Variants in C8orf34 observed in about 807,000 individuals in gnomAD.
C8orf34 encodes the protein chromosome 8 open reading frame 34, also known as uncharacterized protein C8orf34.
A neutral mutation model predicts 68.3 loss-of-function variants in C8orf34; 65 were observed. The observed-to-expected ratio is 0.95, with a 90% CI of 0.78 to 1.17. C8orf34 has a LOEUF of 1.17. Among genes scored for constraint, C8orf34 ranks in the 50% most tolerant of loss-of-function variants. The probability of loss-of-function intolerance (pLI) is 0.00; values close to 1 mark genes in which losing one functional copy is unlikely to be tolerated. For missense variants in C8orf34, 664 were observed against 655.4 expected (o/e 1.01, Z -0.14); for synonymous variants, 244 against 241.2 (o/e 1.01, Z -0.11).
At chr8:68,607,755 C>A (rs1384072155) in intron 7 of C8orf34, among the ~76,000 whole-genome samples, 1 of 152,124 alleles carries the variant, frequency 6.6e-6, no homozygotes, top group African/African-American at 2.4e-5. Context: ...CTGGAGAAAT[C>A]TGTCCTATTA....
At chr8:68,809,983 G>A (rs1349702955) in intron 12 of C8orf34, among the ~76,000 whole-genome samples, 1 of 152,224 alleles carries the variant, frequency 6.6e-6, no homozygotes, top group Non-Finnish European at 1.5e-5. Context: ...TTAATGGAGA[G>A]CTAACTGAAT....
rs186797851 is a variant in C8orf34, at chr8:68,696,610, G to A, written c.1242-12384G>A. 4.6e-5 allele frequency among the ~76,000 whole-genome samples: 7 copies of A among 151,782 alleles called. No homozygotes were observed. The East Asian group carries it at 5.9e-4, about 13-fold the overall frequency. On this transcript the variant is annotated intron_variant, in intron 8 of 13. Transcript: ENST00000518698. ...ATATCTATAGTGATAGCCAAATTAC[G>A]CTTTTAAAGTGTGGTACATATTCTC...
intron 2 of C8orf34, among the ~76,000 whole-genome samples, chr8:68,446,049 A>C (rs1199867087): frequency 2.0e-5 from 3 of 152,180 alleles, no homozygotes; most frequent in Non-Finnish European, 4.4e-5. Context: ...TGGCCTCCCA[A>C]AGTGCTGGGA....
chr8:68,349,829 ATGTT>A (rs908131095), intron 1 of C8orf34, among the ~76,000 whole-genome samples: 28 of 150,946 alleles, frequency 1.9e-4, no homozygotes, highest in African/African-American at 6.3e-4. Context: ...ATTTCTTATT[ATGTT>A]TGTTTGGATC....
chr8:68,343,302 A>G (rs910171223), intron 1 of C8orf34, among the ~76,000 whole-genome samples: 6 of 152,230 alleles, frequency 3.9e-5, no homozygotes, highest in South Asian at 4.1e-4. Flanking sequence ...AATGAAACTG[A>G]GACCACCAAA....
At chr8:68,636,411 TAAA>T (rs71253099) in intron 7 of C8orf34, among the ~76,000 whole-genome samples, 11 of 141,886 alleles carry the variant, frequency 7.8e-5, no homozygotes, top group African/African-American at 1.6e-4. Context: ...CTGCCTCTAC[TAAA>T]AAAAAAAAAA....
chr8:68,375,719 G>C (rs1807763320), intron 1 of C8orf34, among the ~76,000 whole-genome samples: 1 of 152,194 alleles, frequency 6.6e-6, no homozygotes, highest in African/African-American at 2.4e-5. Flanking sequence ...TAAAATATGT[G>C]TGTGTCTTAC....
intron 8 of C8orf34, among the ~76,000 whole-genome samples, chr8:68,695,272 C>T (rs186417565): frequency 2.1e-3 from 324 of 151,906 alleles, no homozygotes; most frequent in African/African-American, 7.4e-3. Context: ...TCAACCTACC[C>T]GAGTAGCTGG....
intron 1 of C8orf34, among the ~76,000 whole-genome samples, chr8:68,347,291 T>A (rs1806323865): frequency 6.6e-6 from 1 of 152,242 alleles, no homozygotes; most frequent in African/African-American, 2.4e-5. Context: ...AAAGACATGA[T>A]CTCATTCTTT....
intron 1 of C8orf34, among the ~76,000 whole-genome samples, chr8:68,437,695 A>T (rs1810722494): frequency 6.6e-6 from 1 of 152,132 alleles, no homozygotes; most frequent in Admixed American, 6.6e-5. Context: ...TACCTGTGAC[A>T]ACTGATTGTT....
chr8:68,466,561 T>C (rs975100913), intron 3 of C8orf34, among the ~76,000 whole-genome samples: 2 of 151,684 alleles, frequency 1.3e-5, no homozygotes, highest in East Asian at 1.9e-4. Context: ...TTTATGGTAA[T>C]ATACTTAGAT....
chr8:68,774,364 AT>A (rs1324695022), intron 10 of C8orf34, among the ~76,000 whole-genome samples: 1 of 123,052 alleles, frequency 8.1e-6, no homozygotes, highest in African/African-American at 4.1e-5. Flanking sequence ...AAACAAAAAA[AT>A]AAACAGTTTA....
At chr8:68,582,737 G>A (rs1207153347) in intron 7 of C8orf34, among the ~76,000 whole-genome samples, 1 of 151,812 alleles carries the variant, frequency 6.6e-6, no homozygotes, top group East Asian at 1.9e-4. Flanking sequence ...TCTCTGCTGG[G>A]GCCCCTGTGA....
chr8:68,786,673 TA>T (rs1019484578), intron 11 of C8orf34, among the ~76,000 whole-genome samples: 23 of 152,234 alleles, frequency 1.5e-4, no homozygotes, highest in African/African-American at 5.5e-4. Flanking sequence ...ATTGAGAGAA[TA>T]GTATGATAGA....
At chr8:68,615,415 T>C (rs4737914) in intron 7 of C8orf34, among the ~76,000 whole-genome samples, 39,995 of 150,790 alleles carry the variant, frequency 0.27, 6,111 homozygotes, top group African/African-American at 0.46. Flanking sequence ...AGTATGATAT[T>C]GGCTGTGGGT....
At chr8:68,574,839 G>C (rs984837914) in intron 7 of C8orf34, among the ~76,000 whole-genome samples, 1 of 151,868 alleles carries the variant, frequency 6.6e-6, no homozygotes, top group African/African-American at 2.4e-5. Flanking sequence ...GTCCACATTG[G>C]AAGATTTTCT....
intron 1 of C8orf34, among the ~76,000 whole-genome samples, chr8:68,413,740 T>G (rs934746713): frequency 2.0e-5 from 3 of 152,226 alleles, no homozygotes; most frequent in African/African-American, 7.2e-5. Flanking sequence ...CTTTCCACCC[T>G]CACTTACACC....
At chr8:68,813,147 A>G (rs577077487) in intron 12 of C8orf34, among the ~76,000 whole-genome samples, 1 of 152,190 alleles carries the variant, frequency 6.6e-6, no homozygotes, top group African/African-American at 2.4e-5. Context: ...TATTATGTTT[A>G]TTTTCAGAGT....
chr8:68,533,273 A>G, intron 7 of C8orf34, 124 bp downstream of exon 7: 1 of 1,410,246 alleles, frequency 7.1e-7, no homozygotes, highest in Non-Finnish European at 9.2e-7. Flanking sequence ...CATTTAGTAC[A>G]TATTTTATTT....
Sources: allele counts gnomAD v4.1 joint callset (sites outside exome capture counted in the v4.1 genomes callset), GRCh38; gene constraint gnomAD v4.1.1; transcripts MANE v1.5; gene names NCBI Gene and HGNC (gene_info 2026-07-23, HGNC 2026-07-21).